JMY: variants seen among roughly 807,000 people sequenced by gnomAD.
JMY encodes the protein junction mediating and regulatory protein, p53 cofactor.
Under a neutral mutation model 103.3 loss-of-function variants are expected in JMY, and 46 were observed. That is an observed-to-expected ratio of 0.45 (90% confidence interval 0.35 to 0.57). JMY has a LOEUF of 0.57. Ranked by LOEUF, JMY falls within the 20% of genes least tolerant of loss-of-function variation. The pLI is 0.00. For missense variants in JMY, 1,238 were observed against 1,255.2 expected (o/e 0.99, Z 0.21); for synonymous variants, 526 against 489.3 (o/e 1.07, Z -0.99).
chr5:79,284,061 A>AT (rs1469422005), intron 2 of JMY: 5 of 958,642 alleles, frequency 5.2e-6, no homozygotes, highest in Middle Eastern at 3.2e-4. Context: ...TCTTTTTTTT[A>AT]TTTTTTTATT....
At chr5:79,249,790 G>A (rs1745020069) in intron 1 of JMY, among the ~76,000 whole-genome samples, 1 of 152,004 alleles carries the variant, frequency 6.6e-6, no homozygotes, top group Non-Finnish European at 1.5e-5. Context: ...CTCAAGATTG[G>A]GATCTTTCCC....
At position 79,318,759 on chromosome 5, in the gene JMY, T is replaced by TAGAG. The variant is rs1337696613; in HGVS notation, c.*3+2450_*3+2451insGAGA. On this transcript the variant is annotated intron_variant, in intron 10 of 10. Transcript: ENST00000396137. Reference sequence around the variant, plus strand: ...GTAAAGGAATATATATATATATATATATAGAGAGAGAGAGAGAGAGAGAGA... The same window carrying TAGAG: ...GTAAAGGAATATATATATATATATATAGAGATAGAGAGAGAGAGAGAGAGAGAGA... Among the ~76,000 whole-genome samples, 75 of 20,556 alleles carry TAGAG rather than the reference T, an allele frequency of 3.6e-3. 1 individual carries two copies. Among genetic ancestry groups the TAGAG allele is most frequent in the East Asian group, 8.3e-3 (9 of 1,078 alleles). The allele number at this position is 20,556 out of a possible 152,430, so 13.5% of individuals were successfully genotyped here. A position where few individuals can be genotyped will look rare whatever the true frequency, so the allele number is the denominator to read the frequency against.
intron 10 of JMY, 55 bp downstream of exon 10, chr5:79,316,365 T>C: frequency 7.3e-7 from 1 of 1,363,550 alleles, no homozygotes; most frequent in South Asian, 1.4e-5. Context: ...TTATATCGGA[T>C]GATGAGGTTT....
intron 2 of JMY, among the ~76,000 whole-genome samples, chr5:79,285,548 T>A (rs10054122): frequency 0.55 from 80,451 of 147,150 alleles, 22,014 homozygotes; most frequent in Non-Finnish European, 0.62. Context: ...TTAGTTCACT[T>A]GAGTTTCGAT....
At chr5:79,245,971 G>A (rs1478425593) in intron 1 of JMY, among the ~76,000 whole-genome samples, 1 of 152,052 alleles carries the variant, frequency 6.6e-6, no homozygotes, top group Admixed American at 6.6e-5. Context: ...TGTTGAAATC[G>A]CAGCACTTTT....
intron 1 of JMY, among the ~76,000 whole-genome samples, chr5:79,240,473 C>T (rs1435466635): frequency 2.0e-5 from 3 of 152,008 alleles, no homozygotes; most frequent in Non-Finnish European, 4.4e-5. Context: ...CCATGCCTGG[C>T]TAATTTTTGT....
intron 6 of JMY, among the ~76,000 whole-genome samples, chr5:79,301,350 T>G (rs187061758): frequency 6.6e-6 from 1 of 152,340 alleles, no homozygotes; most frequent in African/African-American, 2.4e-5. Context: ...TGGAGCTGTT[T>G]CTAGTCACTG....
intron 1 of JMY, among the ~76,000 whole-genome samples, chr5:79,267,259 A>G (rs1745611815): frequency 6.6e-6 from 1 of 152,128 alleles, no homozygotes; most frequent in African/African-American, 2.4e-5. Context: ...AGAACCCTAG[A>G]GTTTCTATGT....
chr5:79,250,532 A>G (rs1228814076), intron 1 of JMY, among the ~76,000 whole-genome samples: 1 of 152,198 alleles, frequency 6.6e-6, no homozygotes, highest in Non-Finnish European at 1.5e-5. Context: ...TAACTATTAA[A>G]GAAATGGTAA....
chr5:79,249,629 G>A (rs1457539565), intron 1 of JMY, among the ~76,000 whole-genome samples: 1 of 152,140 alleles, frequency 6.6e-6, no homozygotes, highest in Non-Finnish European at 1.5e-5. Flanking sequence ...GTATCAGCAT[G>A]TTTTTGGGTT....
At chr5:79,267,838 T>C (rs1197554804) in intron 1 of JMY, among the ~76,000 whole-genome samples, 3 of 152,272 alleles carry the variant, frequency 2.0e-5, no homozygotes, top group Admixed American at 2.0e-4. Flanking sequence ...TAAGCTTCTA[T>C]AAACTTTAGT....
chr5:79,290,106 T>G lies in JMY; in HGVS notation c.1207-15T>G. The stretch of plus-strand genomic sequence containing the variant: ...AAGACTTGAACTTCTTAATTTTTTC[T>G]TTTTCTCTCTGAAGATTTCCATGGA... On this transcript the variant is annotated splice_polypyrimidine_tract_variant and intron_variant, in intron 2 of 10. Transcript: ENST00000396137. The G allele has an allele frequency of 1.3e-6, 2 of 1,557,136 alleles. No individual in the cohort carries two copies. The highest frequency in any genetic ancestry group is 1.7e-6 in the Non-Finnish European group (2 of 1,154,798).
At chr5:79,271,955 C>T (rs1348945632) in intron 1 of JMY, among the ~76,000 whole-genome samples, 1 of 151,712 alleles carries the variant, frequency 6.6e-6, no homozygotes, top group Non-Finnish European at 1.5e-5. Flanking sequence ...TACTAAAATA[C>T]AAAAAAATTA....
chr5:79,265,885 A>C (rs1745573286), intron 1 of JMY, among the ~76,000 whole-genome samples: 1 of 148,238 alleles, frequency 6.7e-6, no homozygotes, highest in Admixed American at 6.9e-5. Flanking sequence ...GGTTCAAGTG[A>C]TTCTTCTGCT....
intron 2 of JMY, among the ~76,000 whole-genome samples, chr5:79,278,868 A>G (rs1373254256): frequency 1.4e-5 from 2 of 147,178 alleles, no homozygotes; most frequent in Non-Finnish European, 3.0e-5. Context: ...GGCTCAAGCG[A>G]TTTGCCCACC....
chr5:79,252,343 T>G (rs541226166), intron 1 of JMY, among the ~76,000 whole-genome samples: 3 of 152,046 alleles, frequency 2.0e-5, no homozygotes, highest in African/African-American at 4.8e-5. Flanking sequence ...TCAGGTTTTT[T>G]TTTTTTTTTT....
At chr5:79,314,934 T>G in intron 9 of JMY, 83 bp downstream of exon 9, 1 of 1,244,718 alleles carries the variant, frequency 8.0e-7, no homozygotes, top group Non-Finnish European at 1.1e-6. Flanking sequence ...TTGCAAAGCT[T>G]AAAACACTTT....
At chr5:79,285,563 CTCTTTTTTTTT>C (rs992979624) in intron 2 of JMY, among the ~76,000 whole-genome samples, 1 of 146,704 alleles carries the variant, frequency 6.8e-6, no homozygotes, top group Non-Finnish European at 1.5e-5. Flanking sequence ...TTCGATTTCT[CTCTTTTTTTTT>C]TTTTAAGCAT....
At chr5:79,303,475 T>C (rs1042026399) in intron 6 of JMY, among the ~76,000 whole-genome samples, 1 of 152,058 alleles carries the variant, frequency 6.6e-6, no homozygotes, top group Non-Finnish European at 1.5e-5. Context: ...AAACCTTCAT[T>C]GTATTTAATA....
Sources: gnomAD v4.1 joint callset for allele counts (sites outside exome capture counted in the v4.1 genomes callset) on GRCh38, gnomAD v4.1.1 for gene constraint, MANE v1.5 for transcripts, NCBI Gene and HGNC (gene_info 2026-07-23, HGNC 2026-07-21) for gene names.